ATP10B: variants seen among roughly 807,000 people sequenced by gnomAD.
ATP10B encodes the protein ATPase phospholipid transporting 10B (putative), also known as phospholipid-transporting ATPase VB.
In ATP10B, 122 loss-of-function variants were observed where a neutral mutation model predicts 141.2. The observed-to-expected ratio is 0.86, with a 90% CI of 0.75 to 1.00. The LOEUF (loss-of-function observed/expected upper bound fraction) is 1.00, where lower values mean the gene tolerates loss of function less well. Ranked by LOEUF, ATP10B falls within the 50% of genes least tolerant of loss-of-function variation. ATP10B has a pLI of 0.00. For missense variants in ATP10B, 1,876 were observed against 1,825.3 expected (o/e 1.03, Z -0.51); for synonymous variants, 685 against 692.0 (o/e 0.99, Z 0.16).
At chr5:160,747,629 G>A (rs974677917) in intron 2 of ATP10B, among the ~76,000 whole-genome samples, 6 of 152,156 alleles carry the variant, frequency 3.9e-5, no homozygotes, top group Non-Finnish European at 8.8e-5. Flanking sequence ...GAAGCTGGAA[G>A]AAGCATGGAA....
At chr5:160,909,997 C>T in the ATP10B span, among the ~76,000 whole-genome samples, 1 of 152,158 alleles carries the variant, frequency 6.6e-6, no homozygotes, top group Admixed American at 6.5e-5. Flanking sequence ...AGCTTTAGTT[C>T]CTGAGTTTGT....
At chr5:160,921,198 G>C in the ATP10B span, among the ~76,000 whole-genome samples, 1 of 151,294 alleles carries the variant, frequency 6.6e-6, no homozygotes, top group Non-Finnish European at 1.5e-5. Flanking sequence ...AGGGATCCTT[G>C]CATATACAAC....
intron 6 of ATP10B, among the ~76,000 whole-genome samples, chr5:160,680,105 C>T (rs1763278053): frequency 6.6e-6 from 1 of 152,086 alleles, no homozygotes; most frequent in South Asian, 2.1e-4. Flanking sequence ...AAGACATTTC[C>T]TCACAGTATA....
chr5:160,750,631 C>T (rs559162282), intron 2 of ATP10B, among the ~76,000 whole-genome samples: 8 of 152,324 alleles, frequency 5.3e-5, no homozygotes, highest in Admixed American at 5.2e-4. Context: ...GAACCATCCT[C>T]CACTCTGCTG....
At chr5:160,876,017 C>G in the ATP10B span, among the ~76,000 whole-genome samples, 275 of 56,366 alleles carry the variant, frequency 4.9e-3, 3 homozygotes, top group East Asian at 0.015. Context: ...ATTGAACTCA[C>G]CTCTGCACCA....
intron 2 of ATP10B, among the ~76,000 whole-genome samples, chr5:160,726,675 AG>A (rs1247044517): frequency 3.1e-5 from 2 of 65,248 alleles, no homozygotes; most frequent in Admixed American, 1.8e-4. Context: ...AGGAAGGAGT[AG>A]GGGGGGAGGA....
intron 7 of ATP10B, among the ~76,000 whole-genome samples, chr5:160,659,553 T>C (rs943719100): frequency 3.3e-5 from 5 of 152,072 alleles, no homozygotes; most frequent in Non-Finnish European, 7.4e-5. Flanking sequence ...CGTAAGGCTC[T>C]AAAGGAAAAG....
At chr5:160,889,629 C>T in the ATP10B span, among the ~76,000 whole-genome samples, 1 of 152,164 alleles carries the variant, frequency 6.6e-6, no homozygotes, top group Non-Finnish European at 1.5e-5. Context: ...GAATCTATCC[C>T]GTGGAGCTTA....
chr5:160,655,991 AC>A (rs913335135), intron 7 of ATP10B, among the ~76,000 whole-genome samples: 1 of 152,022 alleles, frequency 6.6e-6, no homozygotes, highest in African/African-American at 2.4e-5. Context: ...GGTCCTCCTC[AC>A]TCACCTGTGT....
chr5:160,622,729 T>G, intron 13 of ATP10B, 144 bp from the exon 14 acceptor site: 1 of 721,104 alleles, frequency 1.4e-6, no homozygotes, highest in South Asian at 2.0e-5. Context: ...GTCTGGCCAT[T>G]GCCAATTCTT....
chr5:160,840,866 G>A (rs966767615), intron 1 of ATP10B, among the ~76,000 whole-genome samples: 2 of 152,120 alleles, frequency 1.3e-5, no homozygotes, highest in African/African-American at 4.8e-5. Context: ...GTTAATTCAT[G>A]TTAAGATAAA....
intron 1 of ATP10B, among the ~76,000 whole-genome samples, chr5:160,841,971 C>G (rs989615491): frequency 6.6e-6 from 1 of 152,070 alleles, no homozygotes; most frequent in African/African-American, 2.4e-5. Context: ...GTGATCCACC[C>G]GCCTCGGCCT....
the ATP10B span, among the ~76,000 whole-genome samples, chr5:160,923,772 A>G: frequency 6.6e-6 from 1 of 152,232 alleles, no homozygotes; most frequent in Non-Finnish European, 1.5e-5. Flanking sequence ...GCTAGTCCTC[A>G]AGCCAAGAAG....
chr5:160,662,427 G>A (rs543137187), intron 7 of ATP10B, among the ~76,000 whole-genome samples: 18 of 152,286 alleles, frequency 1.2e-4, no homozygotes, highest in South Asian at 2.1e-4. Flanking sequence ...AAAACAGCAC[G>A]GTACTGGTAC....
At chr5:160,589,228 T>G (rs1581160520) in intron 24 of ATP10B, among the ~76,000 whole-genome samples, 1 of 152,158 alleles carries the variant, frequency 6.6e-6, no homozygotes, top group Admixed American at 6.5e-5. Context: ...GCCAGGCTGG[T>G]CTCGAATTCC....
chr5:160,629,135 A>T (rs549123351), intron 13 of ATP10B, among the ~76,000 whole-genome samples: 1 of 152,120 alleles, frequency 6.6e-6, no homozygotes, highest in Non-Finnish European at 1.5e-5. Context: ...AGATGATCAG[A>T]ACAGATTGGG....
intron 1 of ATP10B, among the ~76,000 whole-genome samples, chr5:160,791,831 T>C (rs1581539501): frequency 6.6e-6 from 1 of 152,214 alleles, no homozygotes; most frequent in South Asian, 2.1e-4. Flanking sequence ...ACTAAGGAAA[T>C]AAGAGAATGG....
the ATP10B span, among the ~76,000 whole-genome samples, chr5:160,913,469 A>G: frequency 6.6e-6 from 1 of 152,168 alleles, no homozygotes. Context: ...GGCAAAATAA[A>G]ACATCATATT....
upstream of ATP10B, among the ~76,000 whole-genome samples, chr5:160,855,402 G>A (rs1753970170): frequency 6.6e-6 from 1 of 150,572 alleles, no homozygotes. Flanking sequence ...CTTTTTATGT[G>A]CTTATTTCTC....
Sources: gnomAD v4.1 joint callset for allele counts (sites outside exome capture counted in the v4.1 genomes callset) on GRCh38, gnomAD v4.1.1 for gene constraint, MANE v1.5 for transcripts, NCBI Gene and HGNC (gene_info 2026-07-23, HGNC 2026-07-21) for gene names.